The following RGS6 variants were observed in gnomAD, a reference collection of about 807,000 sequenced individuals.
RGS6 encodes regulator of G protein signaling 6, also known as regulator of G-protein signaling 6.
In RGS6, 30 loss-of-function variants were observed where a neutral mutation model predicts 78.5. That is an observed-to-expected ratio of 0.38 (90% CI 0.29 to 0.52). RGS6 has a LOEUF of 0.52. Ranked by LOEUF, RGS6 falls within the 20% of genes least tolerant of loss-of-function variation. RGS6 has a pLI of 0.85. For missense variants in RGS6, 495 were observed against 609.7 expected (o/e 0.81, Z 1.98); for synonymous variants, 206 against 206.0 (o/e 1.00, Z 0.00).
chr14:72,177,451 C>T (rs1454127232), intron 2 of RGS6, among the ~76,000 whole-genome samples: 1 of 152,134 alleles, frequency 6.6e-6, no homozygotes, highest in Non-Finnish European at 1.5e-5. Flanking sequence ...CCAGGGGAAG[C>T]ATGGCACCAG....
intron 2 of RGS6, among the ~76,000 whole-genome samples, chr14:72,015,360 A>C (rs1485294096): frequency 6.6e-6 from 1 of 151,998 alleles, no homozygotes; most frequent in Non-Finnish European, 1.5e-5. Context: ...TGGCCCAAAC[A>C]CCTCCCATCA....
intron 2 of RGS6, among the ~76,000 whole-genome samples, chr14:72,166,132 AC>A (rs375652464): frequency 0.051 from 6,817 of 133,182 alleles, 154 homozygotes; most frequent in African/African-American, 0.074. Flanking sequence ...ACACACACAC[AC>A]ACACAGACTG....
At chr14:71,954,309 C>T (rs1192547887) in intron 1 of RGS6, among the ~76,000 whole-genome samples, 1 of 151,788 alleles carries the variant, frequency 6.6e-6, no homozygotes, top group East Asian at 1.9e-4. Context: ...ATTTATGTTA[C>T]AGCTTTTTAT....
chr14:72,581,523 TG>T, the RGS6 span, among the ~76,000 whole-genome samples: 1 of 152,192 alleles, frequency 6.6e-6, no homozygotes, highest in Admixed American at 6.5e-5. Flanking sequence ...GATCCTGTAA[TG>T]CCTCTGATAA....
chr14:72,484,157 C>G (rs932823014), intron 12 of RGS6, among the ~76,000 whole-genome samples: 4 of 152,186 alleles, frequency 2.6e-5, no homozygotes, highest in African/African-American at 7.2e-5. Context: ...CTCCTCTTCA[C>G]CCCCTTTAAT....
chr14:72,039,875 T>C (rs2092223684), intron 2 of RGS6, among the ~76,000 whole-genome samples: 1 of 150,946 alleles, frequency 6.6e-6, no homozygotes, highest in African/African-American at 2.4e-5. Context: ...TTTGTATGTC[T>C]TCTATAGGTA....
At chr14:71,878,459 C>G in the RGS6 span, among the ~76,000 whole-genome samples, 1 of 152,302 alleles carries the variant, frequency 6.6e-6, no homozygotes, top group East Asian at 1.9e-4. Context: ...GGGCAAGGCT[C>G]CATGGGCGTG....
intron 2 of RGS6, among the ~76,000 whole-genome samples, chr14:72,033,834 C>T (rs2091285312): frequency 6.6e-6 from 1 of 152,182 alleles, no homozygotes; most frequent in African/African-American, 2.4e-5. Context: ...TCCACAGCAG[C>T]TGCATGGTTT....
chr14:72,338,217 A>G (rs2076386328), intron 2 of RGS6, among the ~76,000 whole-genome samples: 3 of 152,216 alleles, frequency 2.0e-5, no homozygotes, highest in Admixed American at 2.0e-4. Context: ...GCTGATAAAG[A>G]CATACCCAAG....
chr14:72,404,381 C>T (rs143864891), intron 3 of RGS6, among the ~76,000 whole-genome samples: 27 of 152,296 alleles, frequency 1.8e-4, no homozygotes, highest in African/African-American at 6.5e-4. Context: ...CCAATGTGCT[C>T]TGTATGAAGC....
At chr14:72,398,489 T>C (rs2091848137) in intron 3 of RGS6, among the ~76,000 whole-genome samples, 1 of 152,184 alleles carries the variant, frequency 6.6e-6, no homozygotes, top group African/African-American at 2.4e-5. Context: ...TTGTTGATCT[T>C]TTCAAAAAAC....
chr14:72,213,373 C>A (rs932222429), intron 2 of RGS6, among the ~76,000 whole-genome samples: 2 of 152,204 alleles, frequency 1.3e-5, no homozygotes, highest in African/African-American at 4.8e-5. Flanking sequence ...GTAAGATTCA[C>A]AGAGGATCCT....
intron 2 of RGS6, among the ~76,000 whole-genome samples, chr14:72,259,650 G>C (rs544450882): frequency 6.6e-6 from 1 of 152,174 alleles, no homozygotes; most frequent in African/African-American, 2.4e-5. Context: ...GCTCACGCCT[G>C]TAATCCCAGC....
intron 2 of RGS6, among the ~76,000 whole-genome samples, chr14:71,970,449 A>G (rs2093733555): frequency 6.6e-6 from 1 of 152,214 alleles, no homozygotes; most frequent in African/African-American, 2.4e-5. Context: ...TTAGGCATAC[A>G]TCCAGAAAGT....
the RGS6 span, chr14:72,619,503 G>T: frequency 1.0e-6 from 1 of 973,732 alleles, no homozygotes; most frequent in Non-Finnish European, 1.5e-6. Flanking sequence ...GCCTGAAAAC[G>T]TGCCAGAGTC....
intron 2 of RGS6, among the ~76,000 whole-genome samples, chr14:72,286,796 C>T (rs770779332): frequency 2.0e-5 from 3 of 151,938 alleles, no homozygotes; most frequent in African/African-American, 7.2e-5. Context: ...CCCTCCCCTC[C>T]CCTTCCCTCC....
At chr14:72,570,166 CAAT>C (rs750419331), downstream of RGS6, among the ~76,000 whole-genome samples, 1 of 152,114 alleles carries the variant, frequency 6.6e-6, no homozygotes, top group Non-Finnish European at 1.5e-5. Context: ...AATTAAAAAA[CAAT>C]ATAGCATTAA....
At chr14:72,384,260 T>G (rs75086344) in intron 3 of RGS6, among the ~76,000 whole-genome samples, 2,879 of 152,280 alleles carry the variant, frequency 0.019, 103 homozygotes, top group African/African-American at 0.067. Context: ...CACTTGGAGT[T>G]TATATTTGCA....
At position 72,540,457 on chromosome 14, in the gene RGS6, G is replaced by A. The variant is rs561204324; in HGVS notation, c.1422+363G>A. On this transcript the variant is annotated intron_variant, in intron 17 of 17. Coordinates refer to ENST00000553525, the MANE Select transcript of RGS6 (RefSeq NM_001204424.2). ...CAGGGAGAAGCCATCGAACTATACC[G>A]TGAAATAAATTGGCTCAGAACCATA... The A allele has an allele frequency of 1.2e-4, 174 of 1,508,698 alleles. No homozygotes were observed. In the African/African-American group the frequency reaches 1.5e-3, roughly 13 times the overall value. The allele number at this position is 1,508,698 out of a possible 1,614,324, so 93.5% of individuals were successfully genotyped here. A position where few individuals can be genotyped will look rare whatever the true frequency, so the allele number is the denominator to read the frequency against.
Sources: allele counts gnomAD v4.1 joint callset (sites outside exome capture counted in the v4.1 genomes callset), GRCh38; gene constraint gnomAD v4.1.1; transcripts MANE v1.5; gene names NCBI Gene and HGNC (gene_info 2026-07-23, HGNC 2026-07-21).